The following RMDN2 variants were observed in gnomAD, a reference collection of about 807,000 sequenced individuals.
RMDN2 encodes regulator of microtubule dynamics protein 2.
In RMDN2, 61 loss-of-function variants were observed where a neutral mutation model predicts 52.8. The observed-to-expected ratio is 1.16, with a 90% CI of 0.94 to 1.43. RMDN2 has a LOEUF of 1.43. Among genes scored for constraint, RMDN2 ranks in the 40% most tolerant of loss-of-function variants. The pLI, the probability that RMDN2 is intolerant of heterozygous loss-of-function variation, is 0.00. For synonymous variants in RMDN2, 180 were observed against 153.1 expected (o/e 1.18, Z -1.30); for missense variants, 592 against 475.3 (o/e 1.25, Z -2.28).
intron 2 of RMDN2, among the ~76,000 whole-genome samples, chr2:37,958,846 A>T (rs1669826409): frequency 1.3e-5 from 2 of 150,908 alleles, no homozygotes; most frequent in South Asian, 4.1e-4. Context: ...TTTTAGCATG[A>T]AGCCGTGTTG....
intron 2 of RMDN2, chr2:37,952,095 A>G: frequency 6.2e-7 from 1 of 1,613,348 alleles, no homozygotes; most frequent in East Asian, 2.2e-5. Flanking sequence ...TGGTTGCTTT[A>G]TCCCACCTCA....
At chr2:37,954,196 G>T (rs1230877538) in intron 2 of RMDN2, among the ~76,000 whole-genome samples, 2 of 151,858 alleles carry the variant, frequency 1.3e-5, no homozygotes, top group African/African-American at 4.8e-5. Context: ...GAAGTTTTCG[G>T]TTTTGAGGTA....
At chr2:37,925,890 GAAGGCCGGATT>G (rs140059112) in intron 1 of RMDN2, among the ~76,000 whole-genome samples, 4,981 of 152,306 alleles carry the variant, frequency 0.033, 273 homozygotes, top group African/African-American at 0.11. Context: ...ACACAAAAAC[GAAGGCCGGATT>G]ATCAGTGCTG....
intron 2 of RMDN2, among the ~76,000 whole-genome samples, chr2:37,955,143 G>C (rs1042276523): frequency 6.6e-6 from 1 of 152,048 alleles, no homozygotes; most frequent in African/African-American, 2.4e-5. Context: ...TCTGTGATCA[G>C]AGGATACTTT....
intron 10 of RMDN2, among the ~76,000 whole-genome samples, chr2:38,027,748 A>G (rs893243528): frequency 2.3e-4 from 35 of 152,344 alleles, no homozygotes; most frequent in African/African-American, 8.2e-4. Flanking sequence ...TTATATTTAT[A>G]CAACCCACCT....
At chr2:37,956,134 T>A (rs1669425638) in intron 2 of RMDN2, among the ~76,000 whole-genome samples, 1 of 152,218 alleles carries the variant, frequency 6.6e-6, no homozygotes, top group South Asian at 2.1e-4. Flanking sequence ...CTGTTAATTG[T>A]TCTCCAGATG....
At chr2:37,928,792 T>G (rs1249533077) in intron 1 of RMDN2, 1 of 152,344 alleles carries the variant, frequency 6.6e-6, no homozygotes, top group Non-Finnish European at 1.5e-5. Context: ...TTTTATGGAC[T>G]CTTTTCTGTT....
intron 2 of RMDN2, among the ~76,000 whole-genome samples, chr2:37,960,424 T>G: frequency 6.6e-6 from 1 of 152,176 alleles, no homozygotes; most frequent in Admixed American, 6.5e-5. Context: ...TTTATTTTGT[T>G]GTTTTAAAGT....
rs147057444 is a variant in RMDN2, at chr2:38,032,557, A to C, written c.1713+28341A>C. 3.6e-3 allele frequency among the ~76,000 whole-genome samples: 543 copies of C among 152,350 alleles called. 3 individuals carry two copies. Among genetic ancestry groups the C allele is most frequent in the African/African-American group, 0.012 (505 of 41,588 alleles). Reference sequence around the variant, plus strand: ...AAAGCTGAAATAAACATTCACTTACAGGCTGGGCACAGTGGCTCATGCCTG... The same window carrying C: ...AAAGCTGAAATAAACATTCACTTACCGGCTGGGCACAGTGGCTCATGCCTG... On this transcript the variant is annotated intron_variant, in intron 10 of 10. Transcript: ENST00000234195.
At chr2:38,056,801 T>C (rs927198573) in intron 10 of RMDN2, among the ~76,000 whole-genome samples, 4 of 152,236 alleles carry the variant, frequency 2.6e-5, no homozygotes, top group Admixed American at 2.6e-4. Context: ...GGGTTTTAAG[T>C]CCTGAAATTA....
At chr2:38,034,150 G>A (rs1179670469) in intron 10 of RMDN2, among the ~76,000 whole-genome samples, 1 of 152,236 alleles carries the variant, frequency 6.6e-6, no homozygotes, top group Admixed American at 6.5e-5. Flanking sequence ...TGGGTCTTTA[G>A]GAGGTCAGGT....
intron 2 of RMDN2, among the ~76,000 whole-genome samples, chr2:37,972,522 C>A (rs1472098043): frequency 6.6e-6 from 1 of 152,088 alleles, no homozygotes; most frequent in African/African-American, 2.4e-5. Flanking sequence ...GCCTTGTAGA[C>A]CCCTGAAAGG....
At chr2:37,948,166 G>A (rs1196639331) in intron 2 of RMDN2, among the ~76,000 whole-genome samples, 2 of 152,166 alleles carry the variant, frequency 1.3e-5, no homozygotes, top group African/African-American at 2.4e-5. Flanking sequence ...CATGTTCTTA[G>A]GACATACCCC....
chr2:38,004,308 T>C lies in RMDN2; in HGVS notation c.1179+92T>C. On this transcript the variant is annotated intron_variant, in intron 10 of 10. Coordinates refer to ENST00000354545, the MANE Select transcript of RMDN2 (RefSeq NM_001170791.3). The stretch of plus-strand genomic sequence containing the variant: ...AACTCGCTTAGATACATTTGTAGTT[T>C]TCTCTATTCAATTTTATGTATTTAT... 2 of 832,042 alleles carry C rather than the reference T, an allele frequency of 2.4e-6. 1 individual carries two copies. Among genetic ancestry groups the C allele is most frequent in the South Asian group, 3.1e-5 (2 of 64,692 alleles). 51.5% of individuals were successfully genotyped at this position (832,042 alleles called of 1,614,324 possible). A position where few individuals can be genotyped will look rare whatever the true frequency, so the allele number is the denominator to read the frequency against.
In RMDN2 at chr2:38,004,207, T is replaced by A. The variant is rs1319383737; in HGVS notation, c.1170T>A (p.Val390=). Residue 390 remains valine, a synonymous_variant, in exon 10 of 11, where the codon GTT becomes GTA. Transcript: ENST00000354545. The part of the protein sequence containing the change: ...FCNLALLLPT[V]TKEDKEAQKE... Reference sequence around the variant, plus strand: ...ATTTGGCTTTATTGCTTCCTACTGTTACCAAAGAGGTAAGTCCAGAAAGTG... The same window carrying A: ...ATTTGGCTTTATTGCTTCCTACTGTAACCAAAGAGGTAAGTCCAGAAAGTG... 2.5e-6 allele frequency: 4 copies of A among 1,612,932 alleles called. No individual in the cohort carries two copies. The highest frequency in any genetic ancestry group is 3.4e-6 in the Non-Finnish European group (4 of 1,179,002).
chr2:38,061,516 T>G lies in RMDN2; in HGVS notation c.1714-5466T>G, dbSNP rs542674859. 4.9e-4 allele frequency among the ~76,000 whole-genome samples: 75 copies of G among 152,096 alleles called. 1 individual carries two copies. In the South Asian group the frequency reaches 5.6e-3, roughly 11 times the overall value. The stretch of plus-strand genomic sequence containing the variant: ...TATCTGGTAACTCAGTGCCTGTATT[T>G]TCTTCACATGGAGAGGATGTAAGAG... On this transcript the variant is annotated intron_variant, in intron 10 of 10. Coordinates refer to the RMDN2 transcript ENST00000234195.
At chr2:37,979,456 C>T (rs1342022462) in intron 4 of RMDN2, among the ~76,000 whole-genome samples, 7 of 152,124 alleles carry the variant, frequency 4.6e-5, no homozygotes, top group Non-Finnish European at 1.0e-4. Flanking sequence ...GGAGGAAGTG[C>T]AGAAGATTTC....
chr2:38,026,507 T>A (rs920027394), intron 10 of RMDN2, among the ~76,000 whole-genome samples: 3 of 152,182 alleles, frequency 2.0e-5, no homozygotes, highest in African/African-American at 7.2e-5. Flanking sequence ...ACTTTATCAT[T>A]TTCTTCCTTC....
intron 4 of RMDN2, 105 bp downstream of exon 4, chr2:37,975,419 A>T (rs938885109): frequency 1.5e-6 from 1 of 645,762 alleles, no homozygotes; most frequent in African/African-American, 1.8e-5. Flanking sequence ...GACATGGATG[A>T]AGCTGGAAAC....
Sources: allele counts gnomAD v4.1 joint callset (sites outside exome capture counted in the v4.1 genomes callset), GRCh38; gene constraint gnomAD v4.1.1; transcripts MANE v1.5; gene names NCBI Gene and HGNC (gene_info 2026-07-23, HGNC 2026-07-21).